Variants in IARS1 observed in about 807,000 individuals in gnomAD.
IARS1 encodes the protein isoleucine--tRNA ligase, cytoplasmic.
A neutral mutation model predicts 168.2 loss-of-function variants in IARS1; 124 were observed. The observed-to-expected ratio is 0.74, with a 90% CI of 0.64 to 0.86. IARS1 has a LOEUF of 0.86. IARS1 is among the 40% of genes least tolerant of loss of function. IARS1 has a pLI of 0.00. For synonymous variants in IARS1, 532 were observed against 529.4 expected (o/e 1.00, Z -0.07); for missense variants, 1,452 against 1,515.8 (o/e 0.96, Z 0.70).
At chr9:92,227,335 G>A (rs1186678691) in intron 31 of IARS1, among the ~76,000 whole-genome samples, 5 of 151,436 alleles carry the variant, frequency 3.3e-5, no homozygotes, top group African/African-American at 2.4e-5. Context: ...CCTCCCAGAC[G>A]GGGTGGTGGC....
chr9:92,241,496 C>A (rs1828390557), intron 29 of IARS1, among the ~76,000 whole-genome samples: 1 of 152,132 alleles, frequency 6.6e-6, no homozygotes, highest in South Asian at 2.1e-4. Context: ...CAGGCGTGTA[C>A]CACCATGCCC....
intron 14 of IARS1, 124 bp from the exon 15 acceptor site, chr9:92,265,677 G>A (rs1832189462): frequency 1.3e-6 from 1 of 792,916 alleles, no homozygotes. Context: ...TTTTTTTTGA[G>A]ATAGGGTCTC....
chr9:92,236,496 T>G (rs995482713), intron 30 of IARS1, among the ~76,000 whole-genome samples: 1 of 152,212 alleles, frequency 6.6e-6, no homozygotes, highest in African/African-American at 2.4e-5. Flanking sequence ...TATAGGGCCA[T>G]TAAAATTATC....
rs1321965711 is a variant in IARS1, at chr9:92,249,913, T to C, written c.2561A>G (p.His854Arg). The C allele has an allele frequency of 1.2e-6, 2 of 1,606,450 alleles. No homozygotes were observed. Among genetic ancestry groups the C allele is most frequent in the Non-Finnish European group, 1.7e-6 (2 of 1,173,326 alleles). ...ATCTTTAAGAGCTTCTGGATCTTGA[T>C]GGATAACCACAATTTCTTTCAAAGG... ...KYPLKEIVVI[H>R]QDPEALKDIK... The change falls in exon 25 of 34, where the codon CAT (histidine) becomes CGT (arginine). Residue 854 changes from histidine to arginine, a missense_variant. Transcript: ENST00000443024.
intron 7 of IARS1, among the ~76,000 whole-genome samples, chr9:92,278,669 T>C (rs1258534280): frequency 2.6e-5 from 4 of 152,224 alleles, no homozygotes; most frequent in Non-Finnish European, 5.9e-5. Context: ...TGGATCCGGA[T>C]ATTTTTCTAT....
chr9:92,229,309 GATATATATAC>G lies in IARS1; in HGVS notation c.3284-193_3284-184del, dbSNP rs140750973. 5.5e-4 allele frequency among the ~76,000 whole-genome samples: 82 copies of G among 149,572 alleles called. No homozygotes were observed. The East Asian group carries it at 9.2e-3, about 17-fold the overall frequency. ...TACATATAAAAGCATACCAAGGATG[GATATATATAC>G]ATATATATACATATATAGTGTATAT... On this transcript the variant is annotated intron_variant, in intron 30 of 33. Coordinates refer to ENST00000443024, the MANE Select transcript of IARS1 (RefSeq NM_002161.6).
In IARS1 at chr9:92,247,413, A is replaced by G; in HGVS notation, c.2755T>C (p.Leu919=). 6.2e-7 allele frequency: 1 copy of G among 1,614,126 alleles called. No homozygotes were observed. The highest frequency in any genetic ancestry group is 8.5e-7 in the Non-Finnish European group (1 of 1,180,026). The change falls in exon 26 of 34, where the codon TTG becomes CTG. Residue 919 remains leucine, a synonymous_variant. Coordinates refer to ENST00000443024, the MANE Select transcript of IARS1 (RefSeq NM_002161.6). ...AACTGCTCCAGCTCCTCACTGCTCA[A>G]CTGCTTGATGGACGTCATCACTGCC... The part of the protein sequence containing the change: ...FKAVMTSIKQ[L]SSEELEQFQK...
chr9:92,252,506 C>T (rs1587801725), intron 21 of IARS1: 1 of 446,476 alleles, frequency 2.2e-6, no homozygotes, highest in South Asian at 1.6e-5. Flanking sequence ...GTGGTTCACA[C>T]CTGTAACACC....
chr9:92,251,875 C>T lies in IARS1; in HGVS notation c.2240G>A (p.Gly747Glu), dbSNP rs771375582. The T allele has an allele frequency of 6.2e-7, 1 of 1,610,656 alleles. No individual in the cohort carries two copies. Among genetic ancestry groups the T allele is most frequent in the South Asian group, 1.1e-5 (1 of 91,002 alleles). ...MNRRRLKGEN[G>E]MEDCVMALET... Reference sequence around the variant, plus strand: ...TAGGGCCATGACACAATCCTCCATCCCATTTTCACCCTAATGAGTAAAAAG... The same window carrying T: ...TAGGGCCATGACACAATCCTCCATCTCATTTTCACCCTAATGAGTAAAAAG... The change falls in exon 22 of 34, where the codon GGG becomes GAG. Residue 747 changes from glycine (G) to glutamate (E), a missense_variant. Coordinates refer to ENST00000443024, the MANE Select transcript of IARS1 (RefSeq NM_002161.6).
Position 92,251,902 on chromosome 9 carries a change from A to G in IARS1, c.2230-17T>C. On this transcript the variant is annotated splice_polypyrimidine_tract_variant and intron_variant, in intron 21 of 33. Transcript: ENST00000443024. The stretch of plus-strand genomic sequence containing the variant: ...ATTTTCACCCTAATGAGTAAAAAGG[A>G]AACATAAACATTAAACTGTTAAATA... The G allele has an allele frequency of 6.5e-7, 1 of 1,531,198 alleles. No homozygotes were observed. Among genetic ancestry groups the G allele is most frequent in the Non-Finnish European group, 9.0e-7 (1 of 1,105,406 alleles). The allele number at this position is 1,531,198 out of a possible 1,614,324, so 94.9% of individuals were successfully genotyped here.
chr9:92,250,408 G>A, intron 23 of IARS1, 119 bp from the exon 24 acceptor site: 1 of 720,436 alleles, frequency 1.4e-6, no homozygotes, highest in South Asian at 1.6e-5. Context: ...AGGCCCTCCT[G>A]GTGAAGCACT....
At chr9:92,293,543 T>C (rs957857907) in intron 1 of IARS1, 68 bp downstream of exon 1, 2 of 511,814 alleles carry the variant, frequency 3.9e-6, no homozygotes, top group Non-Finnish European at 8.0e-6. Flanking sequence ...TGCTACTGTT[T>C]CGGGGTTGTA....
chr9:92,214,209 A>G (rs537024384), intron 33 of IARS1, among the ~76,000 whole-genome samples: 1 of 152,024 alleles, frequency 6.6e-6, no homozygotes, highest in East Asian at 2.0e-4. Flanking sequence ...CAACAGAAAC[A>G]TAACAGAACA....
intron 6 of IARS1, among the ~76,000 whole-genome samples, chr9:92,283,417 G>A (rs1834947187): frequency 6.6e-6 from 1 of 152,242 alleles, no homozygotes; most frequent in Non-Finnish European, 1.5e-5. Context: ...GCTGAGGCAG[G>A]TGGATCAACT....
intron 31 of IARS1, among the ~76,000 whole-genome samples, chr9:92,227,396 CCCTCACCTCCCG>C (rs1825879282): frequency 7.2e-6 from 1 of 139,164 alleles, no homozygotes; most frequent in Non-Finnish European, 1.6e-5. Context: ...GCAGAGGCGC[CCCTCACCTCCCG>C]GACAGGGCGG....
At chr9:92,262,561 A>T (rs34569711) in intron 17 of IARS1, among the ~76,000 whole-genome samples, 1 of 152,154 alleles carries the variant, frequency 6.6e-6, no homozygotes, top group Admixed American at 6.5e-5. Context: ...TACCTCGGTC[A>T]AGCCCAGTGT....
intron 23 of IARS1, among the ~76,000 whole-genome samples, 154 bp downstream of exon 23, chr9:92,250,559 G>T (rs2133698222): frequency 6.6e-6 from 1 of 152,276 alleles, no homozygotes; most frequent in Middle Eastern, 3.4e-3. Context: ...TACCAAAGTG[G>T]GCCCCATCCT....
At chr9:92,223,217 A>G (rs1471294844) in intron 32 of IARS1, 129 bp downstream of exon 32, 1 of 728,104 alleles carries the variant, frequency 1.4e-6, no homozygotes, top group Non-Finnish European at 2.0e-6. Context: ...TTGCTCCCCA[A>G]AGTTGCGTGA....
At chr9:92,252,874 G>C (rs534920395) in intron 21 of IARS1, among the ~76,000 whole-genome samples, 1 of 138,390 alleles carries the variant, frequency 7.2e-6, no homozygotes, top group South Asian at 2.5e-4. Flanking sequence ...AAGCATCATT[G>C]TTATTTATGT....
Sources: gnomAD v4.1 joint callset for allele counts (sites outside exome capture counted in the v4.1 genomes callset) on GRCh38, gnomAD v4.1.1 for gene constraint, MANE v1.5 for transcripts, NCBI Gene and HGNC (gene_info 2026-07-23, HGNC 2026-07-21) for gene names.